Variants in QTMAN observed in about 807,000 individuals in gnomAD.
The protein encoded by QTMAN is tRNA-queuosine alpha-mannosyltransferase.
chr2:144,019,202 G>A, the QTMAN span, among the ~76,000 whole-genome samples: 1 of 152,064 alleles, frequency 6.6e-6, no homozygotes, highest in Admixed American at 6.5e-5. Flanking sequence ...GAATGGACTG[G>A]GGCAAACATG....
chr2:144,019,436 G>C, the QTMAN span, among the ~76,000 whole-genome samples: 1 of 4,812 alleles, frequency 2.1e-4, no homozygotes, highest in Non-Finnish European at 5.2e-4. Context: ...AAGCATGCAG[G>C]TGTGTGTGTG....
chr2:144,187,189 AC>A, the QTMAN span, among the ~76,000 whole-genome samples: 1 of 152,154 alleles, frequency 6.6e-6, no homozygotes, highest in Non-Finnish European at 1.5e-5. Context: ...AATACCTGAG[AC>A]TGAATAATTT....
chr2:144,119,133 G>C, the QTMAN span, among the ~76,000 whole-genome samples: 1 of 152,112 alleles, frequency 6.6e-6, no homozygotes, highest in African/African-American at 2.4e-5. Context: ...TTAGGTTTAG[G>C]GTTCAGGAAG....
chr2:144,153,926 C>T, the QTMAN span, among the ~76,000 whole-genome samples: 1 of 152,076 alleles, frequency 6.6e-6, no homozygotes, highest in Admixed American at 6.6e-5. Flanking sequence ...AATTAAAGCA[C>T]AAGAGGTTTG....
At chr2:143,984,250 ACAAAC>A in the QTMAN span, among the ~76,000 whole-genome samples, 2 of 152,364 alleles carry the variant, frequency 1.3e-5, no homozygotes, top group East Asian at 3.9e-4. Context: ...AAATAGAAGT[ACAAAC>A]ATCATCTTTC....
At chr2:143,998,605 A>G in the QTMAN span, among the ~76,000 whole-genome samples, 3 of 152,114 alleles carry the variant, frequency 2.0e-5, no homozygotes, top group South Asian at 4.1e-4. Flanking sequence ...TTAAAAAGTG[A>G]TTTCAATGGA....
At chr2:144,229,743 T>C in the QTMAN span, among the ~76,000 whole-genome samples, 1 of 152,290 alleles carries the variant, frequency 6.6e-6, no homozygotes, top group South Asian at 2.1e-4. Context: ...TGGGTATAGG[T>C]AATTCCTCAC....
chr2:144,278,055 T>G, the QTMAN span, among the ~76,000 whole-genome samples: 1 of 152,166 alleles, frequency 6.6e-6, no homozygotes, highest in Non-Finnish European at 1.5e-5. Context: ...GAGGTAATGA[T>G]TCTTCTGGGG....
chr2:144,133,231 T>TTATACATTATATATAAATATAAATA, the QTMAN span, among the ~76,000 whole-genome samples: 659 of 31,780 alleles, frequency 0.021, 16 homozygotes, highest in African/African-American at 0.079. Context: ...AAATATATAT[T>TTATACATTATATATAAATATAAATA]TATATTTATA....
chr2:144,094,203 T>C, the QTMAN span, among the ~76,000 whole-genome samples: 1 of 152,174 alleles, frequency 6.6e-6, no homozygotes, highest in South Asian at 2.1e-4. Context: ...ATTAGAGAAG[T>C]GAGAAGAGCT....
At chr2:144,055,662 G>A in the QTMAN span, among the ~76,000 whole-genome samples, 1 of 152,136 alleles carries the variant, frequency 6.6e-6, no homozygotes, top group South Asian at 2.1e-4. Flanking sequence ...AGAGGGGGCA[G>A]GAGTCACTGA....
At chr2:144,150,578 C>T in the QTMAN span, among the ~76,000 whole-genome samples, 1 of 152,028 alleles carries the variant, frequency 6.6e-6, no homozygotes, top group Admixed American at 6.6e-5. Flanking sequence ...GATGAACCAG[C>T]TTTCCCTAAC....
At chr2:144,331,444 G>A in the QTMAN span, among the ~76,000 whole-genome samples, 4 of 151,374 alleles carry the variant, frequency 2.6e-5, no homozygotes, top group South Asian at 6.3e-4. Context: ...CACGGCAGCC[G>A]GGGCTGCAAA....
At chr2:144,145,052 A>C in the QTMAN span, among the ~76,000 whole-genome samples, 4 of 151,536 alleles carry the variant, frequency 2.6e-5, no homozygotes, top group Non-Finnish European at 5.9e-5. Flanking sequence ...CAACGAAGGA[A>C]AAAAGAAAAC....
At chr2:144,143,806 C>A in the QTMAN span, among the ~76,000 whole-genome samples, 3 of 151,826 alleles carry the variant, frequency 2.0e-5, no homozygotes, top group Non-Finnish European at 2.9e-5. Flanking sequence ...TTAGTGAAAT[C>A]ACTGTTTAAG....
the QTMAN span, among the ~76,000 whole-genome samples, chr2:144,067,435 T>C: frequency 6.6e-6 from 1 of 152,256 alleles, no homozygotes; most frequent in Non-Finnish European, 1.5e-5. Context: ...CATGCACACA[T>C]ACTTCTATAG....
chr2:144,110,351 T>G, the QTMAN span, among the ~76,000 whole-genome samples: 2 of 151,870 alleles, frequency 1.3e-5, no homozygotes, highest in South Asian at 4.2e-4. Context: ...TGAGAACACT[T>G]GGACACAGGA....
the QTMAN span, among the ~76,000 whole-genome samples, chr2:144,315,453 C>A: frequency 6.6e-6 from 1 of 152,174 alleles, no homozygotes; most frequent in Non-Finnish European, 1.5e-5. Flanking sequence ...GAAGCCATTA[C>A]CTGAACTAGC....
At chr2:144,105,781 T>C in the QTMAN span, among the ~76,000 whole-genome samples, 6 of 151,554 alleles carry the variant, frequency 4.0e-5, no homozygotes, top group Admixed American at 1.3e-4. Flanking sequence ...TCGAGAAGAG[T>C]AACTCCAAGA....
Sources: gnomAD v4.1 joint callset for allele counts (sites outside exome capture counted in the v4.1 genomes callset) on GRCh38, gnomAD v4.1.1 for gene constraint, MANE v1.5 for transcripts, NCBI Gene and HGNC (gene_info 2026-07-23, HGNC 2026-07-21) for gene names.